Variants in VAMP1 observed in about 807,000 individuals in gnomAD.
VAMP1 encodes vesicle-associated membrane protein 1.
Under a neutral mutation model 19.1 loss-of-function variants are expected in VAMP1, and 16 were observed. That is an observed-to-expected ratio of 0.84 (90% confidence interval 0.57 to 1.27). The LOEUF (loss-of-function observed/expected upper bound fraction) is 1.27, where lower values mean the gene tolerates loss of function less well. Ranked by LOEUF, VAMP1 falls within the 50% of genes most tolerant of loss-of-function variation. VAMP1 has a pLI of 0.00. For synonymous variants in VAMP1, 37 were observed against 50.2 expected (o/e 0.74, Z 1.11); for missense variants, 109 against 145.4 (o/e 0.75, Z 1.29).
intron 1 of VAMP1, among the ~76,000 whole-genome samples, chr12:6,469,524 T>C (rs16932648): frequency 0.04 from 6,029 of 152,282 alleles, 391 homozygotes; most frequent in African/African-American, 0.14. Flanking sequence ...TATGAAGTAT[T>C]TGCAAGGCCA....
intron 1 of VAMP1, among the ~76,000 whole-genome samples, chr12:6,468,052 G>A (rs2137012229): frequency 6.6e-6 from 1 of 152,358 alleles, no homozygotes. Flanking sequence ...TAGTACAGAA[G>A]GGACATGTGG....
rs1365868805 is a variant in VAMP1 at position 6,464,412 on chromosome 12, G to T, written c.*58C>A. On this transcript the variant is annotated 3_prime_UTR_variant, in exon 5 of 5. Transcript: ENST00000396308. ...GGGAAGTGTGTTGAGAGAGCAAACA[G>T]AGGGCAGAGGACATGAATGTGGATG... 5 of 1,559,348 alleles carry T rather than the reference G, an allele frequency of 3.2e-6. No individual in the cohort carries two copies. In the African/African-American group the frequency reaches 5.5e-5, roughly 17 times the overall value.
Position 6,464,140 on chromosome 12 carries a change from T to G in VAMP1, c.*330A>C. On this transcript the variant is annotated 3_prime_UTR_variant, in exon 5 of 5. Transcript: ENST00000396308. ...TCCCAAGTCTGGGCAGCTTCATGGG[T>G]ACTTCGCCTCAGCCACTCCCCTCCC... 1 of 1,380,714 alleles carries G rather than the reference T, an allele frequency of 7.2e-7. No individual in the cohort carries two copies. Among genetic ancestry groups the G allele is most frequent in the Non-Finnish European group, 9.5e-7 (1 of 1,047,690 alleles). 85.5% of individuals were successfully genotyped at this position (1,380,714 alleles called of 1,614,324 possible). A position where few individuals can be genotyped will look rare whatever the true frequency, so the allele number is the denominator to read the frequency against.
chr12:6,464,394 G>A lies in VAMP1; in HGVS notation c.*76C>T, dbSNP rs568559575. The A allele has an allele frequency of 1.7e-4, 265 of 1,554,770 alleles. 1 individual carries two copies. In the South Asian group the frequency reaches 2.9e-3, roughly 17 times the overall value. On this transcript the variant is annotated 3_prime_UTR_variant, in exon 5 of 5. Transcript: ENST00000396308. ...AATGGAGGACGGTGGGTGGGGAAGT[G>A]TGTTGAGAGAGCAAACAGAGGGCAG...
intron 3 of VAMP1, chr12:6,465,179 T>C: frequency 3.7e-6 from 2 of 543,792 alleles, no homozygotes; most frequent in East Asian, 4.5e-5. Flanking sequence ...AGCTCCTTTT[T>C]GCTTAGTTCC....
chr12:6,469,602 C>T (rs1006855666), intron 1 of VAMP1, among the ~76,000 whole-genome samples: 2 of 152,176 alleles, frequency 1.3e-5, no homozygotes, highest in African/African-American at 4.8e-5. Flanking sequence ...AATTACAACC[C>T]TTATGTAACA....
chr12:6,470,052 A>C (rs889296651), intron 1 of VAMP1, among the ~76,000 whole-genome samples: 1 of 152,158 alleles, frequency 6.6e-6, no homozygotes, highest in African/African-American at 2.4e-5. Context: ...GCTAGACATC[A>C]CACTTTGGGT....
chr12:6,463,322 C>T lies in VAMP1; in HGVS notation c.*1148G>A, dbSNP rs1949928969. 1 of 1,187,386 alleles carries T rather than the reference C, an allele frequency of 8.4e-7. No individual in the cohort carries two copies. The highest frequency in any genetic ancestry group is 4.9e-5 in the East Asian group (1 of 20,438). 73.6% of individuals were successfully genotyped at this position (1,187,386 alleles called of 1,614,324 possible). A position where few individuals can be genotyped will look rare whatever the true frequency, so the allele number is the denominator to read the frequency against. ...CACCTGACACAGGCTGGCACGCCTC[C>T]CCCCAAGGTGGGGCTGGTGGGTCTA... On this transcript the variant is annotated 3_prime_UTR_variant, in exon 5 of 5. Transcript: ENST00000396308. This position sits in a 1 kb window ranked among gnomAD's most constrained non-coding sequence, Gnocchi z 4.0.
intron 4 of VAMP1, 59 bp from the exon 5 acceptor site, chr12:6,464,545 G>C: frequency 6.8e-7 from 1 of 1,468,916 alleles, no homozygotes; most frequent in South Asian, 1.5e-5. Context: ...GAGAAAACAA[G>C]AGGGTGAATT....
At chr12:6,465,087 G>A (rs1035230385) in intron 3 of VAMP1, 146 bp from the exon 4 acceptor site, 20 of 1,188,750 alleles carry the variant, frequency 1.7e-5, no homozygotes, top group Admixed American at 2.4e-5. Flanking sequence ...GCCTCTTAGA[G>A]AGGCCCTACC....
intron 3 of VAMP1, chr12:6,465,373 A>ATTTATATATAT (rs1565525991): frequency 1.3e-4 from 14 of 104,214 alleles, no homozygotes; most frequent in Non-Finnish European, 2.3e-4. Context: ...TATATATATA[A>ATTTATATATAT]ATGTATATAT....
chr12:6,465,419 T>A (rs1447041360), intron 3 of VAMP1: 33 of 103,096 alleles, frequency 3.2e-4, no homozygotes, highest in East Asian at 1.3e-3. Flanking sequence ...TATATGTATA[T>A]ATATATATAA....
In VAMP1 at chr12:6,463,534, G is replaced by A; in HGVS notation, c.*936C>T. 4 of 1,044,838 alleles carry A rather than the reference G, an allele frequency of 3.8e-6. No individual in the cohort carries two copies. Among genetic ancestry groups the A allele is most frequent in the Non-Finnish European group, 3.5e-6 (3 of 865,170 alleles). The allele number at this position is 1,044,838 out of a possible 1,614,324, so 64.7% of individuals were successfully genotyped here. On this transcript the variant is annotated 3_prime_UTR_variant, in exon 5 of 5. Coordinates refer to ENST00000396308, the MANE Select transcript of VAMP1 (RefSeq NM_014231.5). This position sits in a 1 kb window ranked among gnomAD's most constrained non-coding sequence, Gnocchi z 4.0. ...AGAGGAACAGGACCCTCTTTAACGA[G>A]GGCAAGGAGTGGCTTCCTCTGAGCT...
At chr12:6,464,706 T>C in intron 4 of VAMP1, 184 bp downstream of exon 4, 1 of 1,507,732 alleles carries the variant, frequency 6.6e-7, no homozygotes, top group Non-Finnish European at 8.8e-7. Context: ...GGGGGAAGGC[T>C]TGTCCATCAA....
At chr12:6,465,362 A>ATATATATATATAAATGTATATATATG (rs1565525930) in intron 3 of VAMP1, 2 of 228,260 alleles carry the variant, frequency 8.8e-6, no homozygotes, top group Non-Finnish European at 1.7e-5. Context: ...AAAAAAGTAT[A>ATATATATATATAAATGTATATATATG]TATATATATA....
At position 6,463,810 on chromosome 12, in the gene VAMP1, C is replaced by G. The variant is rs1949938276; in HGVS notation, c.*660G>C. ...ACAAGTCCTGCTATTTTCACAATCC[C>G]TAAGTGTTCTCCAGGCCTCTGGAGA... On this transcript the variant is annotated 3_prime_UTR_variant, in exon 5 of 5. Transcript: ENST00000396308. The surrounding 1 kb of genome is among the most constrained non-coding windows in gnomAD (Gnocchi z 4.0). The G allele has an allele frequency of 2.5e-6, 3 of 1,203,604 alleles. No individual in the cohort carries two copies. The highest frequency in any genetic ancestry group is 3.3e-5 in the Admixed American group (1 of 30,330). The allele number at this position is 1,203,604 out of a possible 1,614,324, so 74.6% of individuals were successfully genotyped here.
At chr12:6,465,736 A>G in intron 3 of VAMP1, 106 bp downstream of exon 3, 1 of 1,436,358 alleles carries the variant, frequency 7.0e-7, no homozygotes, top group Non-Finnish European at 9.4e-7. Flanking sequence ...TGCTGGTCAG[A>G]GAGATCCTGC....
intron 3 of VAMP1, chr12:6,465,372 A>G (rs1358156959): frequency 8.9e-6 from 1 of 111,912 alleles, no homozygotes; most frequent in African/African-American, 4.1e-5. Flanking sequence ...ATATATATAT[A>G]AATGTATATA....
In VAMP1 at chr12:6,464,198, C is replaced by T; in HGVS notation, c.*272G>A. On this transcript the variant is annotated 3_prime_UTR_variant, in exon 5 of 5. Coordinates refer to ENST00000396308, the MANE Select transcript of VAMP1 (RefSeq NM_014231.5). ...TCCCTTGGCCTCCAACTCTTTGGGG[C>T]TTTGGGGGAACTTGAGAGTACAGAA... 1 of 1,478,758 alleles carries T rather than the reference C, an allele frequency of 6.8e-7. No individual in the cohort carries two copies. Among genetic ancestry groups the T allele is most frequent in the Non-Finnish European group, 9.0e-7 (1 of 1,109,792 alleles). The allele number at this position is 1,478,758 out of a possible 1,614,324, so 91.6% of individuals were successfully genotyped here. A position where few individuals can be genotyped will look rare whatever the true frequency, so the allele number is the denominator to read the frequency against.
Sources: allele counts gnomAD v4.1 joint callset (sites outside exome capture counted in the v4.1 genomes callset), GRCh38; gene constraint gnomAD v4.1.1; non-coding constraint Gnocchi (gnomAD v3.1); transcripts MANE v1.5; gene names NCBI Gene and HGNC (gene_info 2026-07-23, HGNC 2026-07-21).